Variants in CFAP69 observed in about 807,000 individuals in gnomAD.
CFAP69 encodes cilia and flagella associated protein 69.
A neutral mutation model predicts 123.0 loss-of-function variants in CFAP69; 92 were observed. The ratio of observed to expected loss-of-function variants is 0.75; its 90% CI spans 0.63 to 0.89. CFAP69 has a LOEUF of 0.89. CFAP69 is among the 40% of genes least tolerant of loss of function. The pLI, the probability that CFAP69 is intolerant of heterozygous loss-of-function variation, is 0.00. For synonymous variants in CFAP69, 380 were observed against 364.3 expected (o/e 1.04, Z -0.49); for missense variants, 1,067 against 1,096.9 (o/e 0.97, Z 0.39).
At chr7:90,257,570 T>C (rs1325096390) in intron 2 of CFAP69, among the ~76,000 whole-genome samples, 2 of 152,314 alleles carry the variant, frequency 1.3e-5, no homozygotes, top group East Asian at 3.9e-4. Flanking sequence ...ATCATTCTAG[T>C]CTATATCTCC....
At chr7:90,304,497 A>C in intron 18 of CFAP69, 1 of 1,272,132 alleles carries the variant, frequency 7.9e-7, no homozygotes, top group Non-Finnish European at 9.9e-7. Flanking sequence ...GTCTGACTAC[A>C]ACACAGAAAG....
intron 12 of CFAP69, among the ~76,000 whole-genome samples, chr7:90,282,483 T>A (rs1271473266): frequency 2.0e-5 from 3 of 152,204 alleles, no homozygotes; most frequent in Non-Finnish European, 2.9e-5. Flanking sequence ...CTCTTCTCAA[T>A]GGATATAAGA....
At chr7:90,311,978 G>C (rs1794379894), downstream of CFAP69, among the ~76,000 whole-genome samples, 1 of 152,178 alleles carries the variant, frequency 6.6e-6, no homozygotes, top group Non-Finnish European at 1.5e-5. Flanking sequence ...AAAAATACCA[G>C]ATACATCTTA....
chr7:90,291,533 C>T (rs536940430), intron 15 of CFAP69, among the ~76,000 whole-genome samples: 1 of 152,268 alleles, frequency 6.6e-6, no homozygotes, highest in African/African-American at 2.4e-5. Flanking sequence ...CAGTAGGTCT[C>T]AGCTTCATTT....
intron 13 of CFAP69, 21 bp from the exon 14 acceptor site, chr7:90,286,260 C>A: frequency 1.3e-6 from 2 of 1,573,028 alleles, no homozygotes; most frequent in Middle Eastern, 1.7e-4. Flanking sequence ...ACTATACAGT[C>A]TTTAAATGTT....
intron 18 of CFAP69, 38 bp from the exon 19 acceptor site, chr7:90,304,706 C>T: frequency 1.3e-6 from 2 of 1,582,732 alleles, no homozygotes; most frequent in Non-Finnish European, 1.7e-6. Flanking sequence ...ATCACTTGCT[C>T]TGCTAAAGTA....
chr7:90,308,913 G>A (rs1327980175), intron 21 of CFAP69, among the ~76,000 whole-genome samples: 1 of 151,978 alleles, frequency 6.6e-6, no homozygotes, highest in African/African-American at 2.4e-5. Context: ...AATATGTTTT[G>A]CAATATGCAT....
intron 3 of CFAP69, among the ~76,000 whole-genome samples, chr7:90,260,045 CA>C (rs1285766135): frequency 2.6e-5 from 4 of 152,140 alleles, no homozygotes; most frequent in Non-Finnish European, 5.9e-5. Context: ...CAGCCCAACA[CA>C]AATTTGTAAA....
intron 1 of CFAP69, among the ~76,000 whole-genome samples, chr7:90,249,540 T>C (rs1446434419): frequency 6.6e-6 from 1 of 152,170 alleles, no homozygotes; most frequent in Non-Finnish European, 1.5e-5. Context: ...GTAGAGGTAA[T>C]GTAGTTTAAA....
chr7:90,305,076 C>T (rs1427476201), intron 19 of CFAP69, among the ~76,000 whole-genome samples: 1 of 152,088 alleles, frequency 6.6e-6, no homozygotes, highest in Admixed American at 6.5e-5. Context: ...GGCACGGTGG[C>T]TCACGCCTGT....
At chr7:90,269,844 A>G (rs187530705) in intron 6 of CFAP69, among the ~76,000 whole-genome samples, 48 of 152,268 alleles carry the variant, frequency 3.2e-4, no homozygotes, top group Non-Finnish European at 1.3e-4. Context: ...TAGGATAGGA[A>G]GAAATCACAT....
Position 90,277,307 on chromosome 7 carries a change from C to T in CFAP69, c.1128C>T (p.Ile376=). The T allele has an allele frequency of 6.3e-7, 1 of 1,577,522 alleles. No homozygotes were observed. Among genetic ancestry groups the T allele is most frequent in the Admixed American group, 1.9e-5 (1 of 51,764 alleles). The change falls in exon 11 of 23, where the codon ATC becomes ATT. Residue 376 remains isoleucine, a synonymous_variant. Transcript: ENST00000389297. ...AATTACTATTCAACGTAATTGTGAT[C>T]TTATGTAAAGATTTACCTACTGTAC... ...LKKLLFNVIV[I]LCKDLPTVQL... is the part of the protein sequence containing the mutation.
At chr7:90,291,517 G>A (rs1165554169) in intron 15 of CFAP69, among the ~76,000 whole-genome samples, 1 of 152,180 alleles carries the variant, frequency 6.6e-6, no homozygotes, top group Non-Finnish European at 1.5e-5. Context: ...ATCTGGGAAT[G>A]CAGCACAGTA....
intron 2 of CFAP69, 140 bp from the exon 3 acceptor site, chr7:90,257,957 AT>A (rs1229164871): frequency 1.6e-6 from 1 of 609,010 alleles, no homozygotes; most frequent in Non-Finnish European, 2.8e-6. Flanking sequence ...TTCAGAAAAC[AT>A]TTTATAACGT....
chr7:90,256,138 A>G (rs1797616490), intron 2 of CFAP69, among the ~76,000 whole-genome samples: 1 of 152,190 alleles, frequency 6.6e-6, no homozygotes, highest in African/African-American at 2.4e-5. Flanking sequence ...ACAAATGCCC[A>G]TCAATGATAG....
chr7:90,255,456 A>G lies in CFAP69; in HGVS notation c.154A>G (p.Ile52Val), dbSNP rs1055694948. The G allele has an allele frequency of 1.2e-6, 2 of 1,612,996 alleles. No individual in the cohort carries two copies. The highest frequency in any genetic ancestry group is 1.7e-6 in the Non-Finnish European group (2 of 1,179,406). ...CAAGCCTATGGACCTTAATCGTGTC[A>G]TCAAACTCCTCGAAGAGACTGATAA... ...VFKPMDLNRV[I>V]KLLEETDKDG... is the part of the protein sequence containing the mutation. The change falls in exon 2 of 23, where the codon ATC becomes GTC. Residue 52 changes from isoleucine to valine, a missense_variant. Coordinates refer to ENST00000389297, the MANE Select transcript of CFAP69 (RefSeq NM_001039706.3).
chr7:90,304,009 A>G lies in CFAP69; in HGVS notation c.2091A>G (p.Gln697=), dbSNP rs773648045. 5 of 1,551,078 alleles carry G rather than the reference A, an allele frequency of 3.2e-6. No individual in the cohort carries two copies. The South Asian group carries it at 3.6e-5, about 11-fold the overall frequency. The change falls in exon 18 of 23, where the codon CAA becomes CAG. Residue 697 remains glutamine (Q), a synonymous_variant. Transcript: ENST00000389297. ...TATTTACTAGCTTTCAAGAAGAGCAAAAAATCATCCCACTGCCTGCTAACT... is the reference window on the plus strand; with the variant it reads ...TATTTACTAGCTTTCAAGAAGAGCAGAAAATCATCCCACTGCCTGCTAACT... ...KPLFTSFQEE[Q]KIIPLPANCP...
At chr7:90,300,409 AT>A in intron 17 of CFAP69, 1 of 861,916 alleles carries the variant, frequency 1.2e-6, no homozygotes, top group Non-Finnish European at 1.4e-6. Context: ...TCAAAATAAT[AT>A]TTTGGTATTT....
chr7:90,265,212 T>C, intron 4 of CFAP69, 89 bp from the exon 5 acceptor site: 1 of 745,724 alleles, frequency 1.3e-6, no homozygotes, highest in Non-Finnish European at 2.3e-6. Context: ...ATTTATTCTT[T>C]AGAAATGAAC....
Sources: allele counts gnomAD v4.1 joint callset (sites outside exome capture counted in the v4.1 genomes callset), GRCh38; gene constraint gnomAD v4.1.1; transcripts MANE v1.5; gene names NCBI Gene and HGNC (gene_info 2026-07-23, HGNC 2026-07-21).